TRPM5: variants seen among roughly 807,000 people sequenced by gnomAD.
The protein encoded by TRPM5 is transient receptor potential cation channel subfamily M member 5, also known as MLSN1 and TRP-related.
Under a neutral mutation model 124.9 loss-of-function variants are expected in TRPM5, and 121 were observed. The observed-to-expected ratio is 0.97, with a 90% confidence interval of 0.84 to 1.13. The LOEUF is 1.13. Ranked by LOEUF, TRPM5 falls within the 50% of genes most tolerant of loss-of-function variation. The probability of loss-of-function intolerance (pLI) is 0.00; values close to 1 mark genes in which losing one functional copy is unlikely to be tolerated. For synonymous variants in TRPM5, 781 were observed against 700.5 expected, an observed-to-expected ratio of 1.11 and a Z score of -1.81; for missense variants, 1,643 against 1,589.1, an observed-to-expected ratio of 1.03 and a Z score of -0.58.
chr11:2,418,057 G>C, intron 6 of TRPM5, 110 bp downstream of exon 11: 3 of 1,119,904 alleles, frequency 2.7e-6, no homozygotes, highest in Non-Finnish European at 3.8e-6. Flanking sequence ...GGGCCCAGCA[G>C]CCTGAGGTGG....
chr11:2,428,626 TTGA>T, the TRPM5 span, among the ~76,000 whole-genome samples: 2 of 147,866 alleles, frequency 1.4e-5, no homozygotes, highest in Non-Finnish European at 3.0e-5. This position sits in a 1 kb window ranked among gnomAD's most constrained non-coding sequence, Gnocchi z 4.0. Flanking sequence ...GGCATTACCG[TTGA>T]TGAGGGTGGT....
exon 15 of TRPM5, chr11:2,412,873 G>C (rs1444856737): frequency 4.4e-6 from 7 of 1,598,722 alleles, no homozygotes; most frequent in Non-Finnish European, 6.0e-6. Context: ...AACAGGAAGA[G>C]GAAGGCGAAG....
rs760787460 is a variant in TRPM5, at chr11:2,414,239, A to G, written c.1745-33T>C. On this transcript the variant is annotated intron_variant, in intron 11 of 23. Coordinates refer to ENST00000155858, the Ensembl canonical transcript of TRPM5. ...CGGAGGCCCTGGCCGCTAGGACGAG[A>G]CGCCGATGCCCGGCCCGGCCCCCGA... is the stretch of plus-strand genomic sequence containing the variant. 3.1e-6 allele frequency: 5 copies of G among 1,593,310 alleles called. No individual in the cohort carries two copies. The African/African-American group carries it at 5.4e-5, about 17-fold the overall frequency.
chr11:2,409,963 C>T (rs1850411453), intron 18 of TRPM5, among the ~76,000 whole-genome samples: 1 of 152,192 alleles, frequency 6.6e-6, no homozygotes, highest in Non-Finnish European at 1.5e-5. Flanking sequence ...GAGACTGGCC[C>T]ACCAGAGATG....
At chr11:2,410,599 C>G (rs1001602930) in intron 18 of TRPM5, 1 of 434,358 alleles carries the variant, frequency 2.3e-6, no homozygotes, top group Non-Finnish European at 4.6e-6. Context: ...CCCTGCCCCA[C>G]CCCAGAGCTC....
chr11:2,405,948 T>G (rs1317610305), intron 22 of TRPM5, 71 bp downstream of exon 27: 1 of 1,372,374 alleles, frequency 7.3e-7, no homozygotes, highest in African/African-American at 1.4e-5. Flanking sequence ...GGCAGGGCTG[T>G]GGACCCATCC....
chr11:2,423,767 G>A (rs1473917891), upstream of TRPM5, among the ~76,000 whole-genome samples: 3 of 152,152 alleles, frequency 2.0e-5, no homozygotes, highest in South Asian at 2.1e-4. Context: ...CCAGCTGCCC[G>A]GTGAGGTCGG....
chr11:2,423,788 C>A (rs907850578), upstream of TRPM5, among the ~76,000 whole-genome samples: 1 of 152,220 alleles, frequency 6.6e-6, no homozygotes, highest in Admixed American at 6.5e-5. Flanking sequence ...GCATCTCAGC[C>A]CCTCTCTATG....
chr11:2,428,720 T>C, the TRPM5 span, among the ~76,000 whole-genome samples: 15 of 151,202 alleles, frequency 9.9e-5, no homozygotes, highest in African/African-American at 3.4e-4. This position sits in a 1 kb window ranked among gnomAD's most constrained non-coding sequence, Gnocchi z 4.0. Flanking sequence ...GTGGTGGTAG[T>C]GACTGTGGTG....
the TRPM5 span, among the ~76,000 whole-genome samples, chr11:2,441,985 G>A: frequency 3.5e-4 from 53 of 152,240 alleles, no homozygotes; most frequent in East Asian, 3.3e-3. This position sits in a 1 kb window ranked among gnomAD's most constrained non-coding sequence, Gnocchi z 7.2. Flanking sequence ...CACTGCATCC[G>A]GCCTAGAATT....
the TRPM5 span, among the ~76,000 whole-genome samples, chr11:2,435,661 ATCCATCTGTCCATGTGCATCTG>A: frequency 2.0e-5 from 3 of 151,426 alleles, no homozygotes; most frequent in Non-Finnish European, 4.4e-5. The surrounding 1 kb of genome is among the most constrained non-coding windows in gnomAD (Gnocchi z 4.1). Flanking sequence ...CTGTCTGTTC[ATCCATCTGTCCATGTGCATCTG>A]TCCATCTGTC....
chr11:2,422,259 C>T lies in TRPM5; in HGVS notation c.180G>A (p.Trp60Ter). 3.1e-6 allele frequency: 5 copies of T among 1,612,462 alleles called. No homozygotes were observed. Among genetic ancestry groups the T allele is most frequent in the Non-Finnish European group, 4.2e-6 (5 of 1,179,778 alleles). The change falls in exon 2 of 24, where the codon TGG becomes TGA. Residue 60 changes from tryptophan to a stop codon, truncating the protein, a stop_gained. Coordinates refer to ENST00000155858, the Ensembl canonical transcript of TRPM5. LOFTEE classifies it high-confidence loss of function. ...CCACCAGGTTGGGGGCCGGCAGGTG[C>T]CACTCAGCAAGCAGCAGGTCAAAGA... is the stretch of plus-strand genomic sequence containing the variant.
exon 9 of TRPM5, chr11:2,415,139 T>C (rs1189837452): frequency 5.7e-6 from 9 of 1,569,948 alleles, no homozygotes; most frequent in Non-Finnish European, 7.8e-6. Context: ...TGCGGTCCCC[T>C]GGCCGGCCGT....
chr11:2,434,990 G>A, the TRPM5 span, among the ~76,000 whole-genome samples: 18 of 152,296 alleles, frequency 1.2e-4, no homozygotes, highest in East Asian at 2.7e-3. Context: ...TTGTAGAGAT[G>A]TGGTCTCACT....
chr11:2,406,239 C>T (rs1161544582), intron 21 of TRPM5, 148 bp from the exon 27 acceptor site: 3 of 800,644 alleles, frequency 3.7e-6, no homozygotes, highest in Non-Finnish European at 6.1e-6. Flanking sequence ...GATCTGGTGG[C>T]ACCAGGACCC....
rs775846531 is a variant in TRPM5 at position 2,418,592 on chromosome 11, C to T, written c.650-1G>A. The T allele has an allele frequency of 8.7e-6, 14 of 1,610,714 alleles. No homozygotes were observed. In the African/African-American group the frequency reaches 1.3e-4, roughly 15 times the overall value. On this transcript the variant is annotated splice_acceptor_variant, in intron 4 of 23. Transcript: ENST00000155858. LOFTEE classifies it high-confidence loss of function. ...ACAGGGATCTCGATGCTGCCAGTGC[C>T]TGTGGACAGGGCACCCGTGAGGCCT... is the stretch of plus-strand genomic sequence containing the variant.
Position 2,422,271 on chromosome 11 carries a change from C to T in TRPM5, c.168G>A (p.Leu56=), listed in dbSNP as rs143850631. ...GGGCCGGCAGGTGCCACTCAGCAAG[C>T]AGCAGGTCAAAGAGCACAGACGGGG... The change falls in exon 2 of 24, where the codon CTG becomes CTA. Residue 56 remains leucine, a synonymous_variant. Transcript: ENST00000155858. The T allele has an allele frequency of 1.2e-5, 19 of 1,612,294 alleles. No individual in the cohort carries two copies. In the African/African-American group the frequency reaches 1.3e-4, roughly 11 times the overall value.
chr11:2,440,366 T>C, the TRPM5 span, among the ~76,000 whole-genome samples: 2 of 152,156 alleles, frequency 1.3e-5, no homozygotes, highest in Non-Finnish European at 2.9e-5. This position sits in a 1 kb window ranked among gnomAD's most constrained non-coding sequence, Gnocchi z 5.2. Flanking sequence ...CTTACAGATG[T>C]AGGGCATCAT....
the TRPM5 span, among the ~76,000 whole-genome samples, chr11:2,438,361 A>G: frequency 6.6e-6 from 1 of 152,194 alleles, no homozygotes; most frequent in Admixed American, 6.5e-5. This position sits in a 1 kb window ranked among gnomAD's most constrained non-coding sequence, Gnocchi z 5.9. Context: ...CTCCACAAGG[A>G]GAAACACTCC....
Sources: gnomAD v4.1 joint callset for allele counts (sites outside exome capture counted in the v4.1 genomes callset) on GRCh38, gnomAD v4.1.1 for gene constraint, Gnocchi (gnomAD v3.1) non-coding constraint, MANE v1.5 for transcripts, NCBI Gene and HGNC (gene_info 2026-07-23, HGNC 2026-07-21) for gene names.